Variants in TACC1 observed in about 807,000 individuals in gnomAD.
The protein encoded by TACC1 is transforming acidic coiled-coil containing protein 1, also known as transforming acidic coiled-coil-containing protein 1.
A neutral mutation model predicts 84.4 loss-of-function variants in TACC1; 48 were observed. The ratio of observed to expected loss-of-function variants is 0.57; its 90% CI spans 0.45 to 0.72. The LOEUF is 0.72. Among genes scored for constraint, TACC1 ranks in the 30% least tolerant of loss-of-function variants. The pLI, the probability that TACC1 is intolerant of heterozygous loss-of-function variation, is 0.00. For missense variants in TACC1, 920 were observed against 973.0 expected, an observed-to-expected ratio of 0.95 and a Z score of 0.72; for synonymous variants, 372 against 376.3, an observed-to-expected ratio of 0.99 and a Z score of 0.13.
chr8:38,847,977 CA>C lies in TACC1; in HGVS notation c.2377del (p.Ile793SerfsTer5). On this transcript the variant is annotated frameshift_variant, in exon 13 of 13. Transcript: ENST00000317827. LOFTEE classifies it high-confidence loss of function. ...QQKNQEIEEL[T>X]KICDELIAKL... Reference sequence around the variant, plus strand: ...CAGAACCAAGAAATTGAAGAACTGACAAAAATCTGTGATGAGCTGATTGCAA... The same window carrying C: ...CAGAACCAAGAAATTGAAGAACTGACAAAATCTGTGATGAGCTGATTGCAA... 6.2e-7 allele frequency: 1 copy of C among 1,613,892 alleles called. No homozygotes were observed. The highest frequency in any genetic ancestry group is 8.5e-7 in the Non-Finnish European group (1 of 1,179,882).
At chr8:38,837,314 T>C (rs1261375486) in intron 7 of TACC1, among the ~76,000 whole-genome samples, 1 of 151,384 alleles carries the variant, frequency 6.6e-6, no homozygotes, top group Non-Finnish European at 1.5e-5. Context: ...TCCCAGCTAC[T>C]TGGGAGGCTG....
At chr8:38,832,732 A>C (rs985129700) in intron 6 of TACC1, among the ~76,000 whole-genome samples, 2 of 152,138 alleles carry the variant, frequency 1.3e-5, no homozygotes, top group African/African-American at 4.8e-5. Context: ...TTAAGTTTTA[A>C]ATGTTTTAAA....
intron 3 of TACC1, among the ~76,000 whole-genome samples, chr8:38,754,066 G>A (rs1809562461): frequency 6.6e-6 from 1 of 151,180 alleles, no homozygotes; most frequent in Admixed American, 6.6e-5. Flanking sequence ...CGATTTTCAT[G>A]TCTCAGCTTC....
Position 38,820,241 on chromosome 8 carries a change from G to C in TACC1, c.997G>C (p.Ala333Pro). Residue 333 changes from alanine to proline, a missense_variant, in exon 3 of 13, where the codon GCC becomes CCC. Physicochemically the swap from Ala to Pro is conservative, Grantham distance 27. This residue lies in a region of TACC1 where 762 missense variants were observed against 747.3 expected (regional missense o/e 1.02). Coordinates refer to ENST00000317827, the MANE Select transcript of TACC1 (RefSeq NM_006283.3). Reference sequence around the variant, plus strand: ...CACAGAAGATACAGGAAACATAGAGGCCAGGAAAGCCCTTCCAAGGAAGCT... The same window carrying C: ...CACAGAAGATACAGGAAACATAGAGCCCAGGAAAGCCCTTCCAAGGAAGCT... Reference protein sequence around the residue: ...DFTEDTGNIEARKALPRKLGR... With the variant: ...DFTEDTGNIEPRKALPRKLGR... 3.1e-6 allele frequency: 5 copies of C among 1,614,086 alleles called. No homozygotes were observed. The highest frequency in any genetic ancestry group is 4.2e-6 in the Non-Finnish European group (5 of 1,180,006).
chr8:38,777,504 A>G (rs989560018), intron 3 of TACC1, among the ~76,000 whole-genome samples: 7 of 152,190 alleles, frequency 4.6e-5, no homozygotes, highest in African/African-American at 2.4e-5. Context: ...CCCAGGGGCC[A>G]GGCACAATAG....
At chr8:38,740,837 C>T (rs1334741422) in intron 1 of TACC1, among the ~76,000 whole-genome samples, 1 of 152,216 alleles carries the variant, frequency 6.6e-6, no homozygotes, top group African/African-American at 2.4e-5. Flanking sequence ...GGAAAACTTT[C>T]AGACCTCTTG....
At chr8:38,837,252 T>TAAA (rs56272394) in intron 7 of TACC1, among the ~76,000 whole-genome samples, 3 of 141,014 alleles carry the variant, frequency 2.1e-5, no homozygotes, top group Non-Finnish European at 3.1e-5. Flanking sequence ...CCATCTCTAC[T>TAAA]AAAAAAAAAA....
At chr8:38,780,115 A>G (rs1815634009) in intron 3 of TACC1, among the ~76,000 whole-genome samples, 1 of 152,154 alleles carries the variant, frequency 6.6e-6, no homozygotes, top group South Asian at 2.1e-4. Flanking sequence ...GTCTGATTTC[A>G]TTAATTACTT....
chr8:38,762,683 A>G (rs1358505857), intron 3 of TACC1, among the ~76,000 whole-genome samples: 2 of 151,804 alleles, frequency 1.3e-5, no homozygotes, highest in Non-Finnish European at 2.9e-5. Context: ...CAGCCTCCCT[A>G]GTAGCTGAGA....
intron 3 of TACC1, among the ~76,000 whole-genome samples, chr8:38,762,066 TTAA>T (rs1458188449): frequency 1.3e-5 from 2 of 151,980 alleles, no homozygotes; most frequent in East Asian, 3.9e-4. Flanking sequence ...GAAAAAAGAG[TTAA>T]TAATGGGAAG....
rs1480769004 is a variant in TACC1 at position 38,848,828 on chromosome 8, A to G, written c.*805A>G. 2 of 152,108 alleles carry G rather than the reference A, an allele frequency of 1.3e-5. No homozygotes were observed. The highest frequency in any genetic ancestry group is 2.9e-5 in the Non-Finnish European group (2 of 68,020). 9.4% of individuals were successfully genotyped at this position (152,108 alleles called of 1,614,324 possible). On this transcript the variant is annotated 3_prime_UTR_variant, in exon 13 of 13. Transcript: ENST00000317827. ...TTTAGGGTTAGTCCTCAGACTAATG[A>G]TAGTGTCTGCTTTCTGCATGAACGG...
chr8:38,769,023 G>T (rs1812858183), intron 3 of TACC1, among the ~76,000 whole-genome samples: 1 of 148,804 alleles, frequency 6.7e-6, no homozygotes, highest in Non-Finnish European at 1.5e-5. Flanking sequence ...TGGATATGAG[G>T]CTGTGGGGGT....
Position 38,741,296 on chromosome 8 carries a change from C to T in TACC1, c.-674-1055C>T, listed in dbSNP as rs539225903. ...TCAGCCTCCCAAGTAGCTAGGATTA[C>T]AGGCACCCGCCACCATGCCTGGCTG... On this transcript the variant is annotated intron_variant, in intron 1 of 14. Transcript: ENST00000518415. Among the ~76,000 whole-genome samples, 91 of 152,124 alleles carry T rather than the reference C, an allele frequency of 6.0e-4. 2 individuals carry two copies. The South Asian group carries it at 0.019, about 31-fold the overall frequency.
upstream of TACC1, chr8:38,787,129 GC>G: frequency 2.0e-6 from 2 of 983,592 alleles, no homozygotes; most frequent in Non-Finnish European, 2.4e-6. Flanking sequence ...AAGCCCCGGC[GC>G]CGCCGCCGCC....
chr8:38,733,873 A>G (rs1346743233), intron 1 of TACC1, among the ~76,000 whole-genome samples: 2 of 152,194 alleles, frequency 1.3e-5, no homozygotes, highest in Non-Finnish European at 2.9e-5. Flanking sequence ...ATTTTGCTGG[A>G]AACAAGAGGA....
At chr8:38,844,562 T>C (rs1831856967) in intron 11 of TACC1, among the ~76,000 whole-genome samples, 1 of 152,240 alleles carries the variant, frequency 6.6e-6, no homozygotes, top group African/African-American at 2.4e-5. Flanking sequence ...TTTATTAATA[T>C]ATTTGCTTTA....
rs1052170613 is a variant in TACC1, at chr8:38,780,195, A to G, written c.27-8509A>G. On this transcript the variant is annotated intron_variant, in intron 3 of 14. Coordinates refer to the TACC1 transcript ENST00000518415. The stretch of plus-strand genomic sequence containing the variant: ...GTTGCTTGTAGACTGTTTTCTCCCA[A>G]TGGTTCGATTTTTATTATTTAGTCA... 3.9e-5 allele frequency among the ~76,000 whole-genome samples: 6 copies of G among 152,184 alleles called. No homozygotes were observed. The East Asian group carries it at 5.8e-4, about 15-fold the overall frequency.
chr8:38,742,050 G>A (rs969022662), intron 1 of TACC1, among the ~76,000 whole-genome samples: 1 of 152,194 alleles, frequency 6.6e-6, no homozygotes, highest in Non-Finnish European at 1.5e-5. Flanking sequence ...TGTACACTTG[G>A]CAGCTGTTTC....
At chr8:38,825,836 G>A (rs534489126) in intron 4 of TACC1, among the ~76,000 whole-genome samples, 29 of 152,172 alleles carry the variant, frequency 1.9e-4, no homozygotes, top group African/African-American at 6.3e-4. Context: ...ACTTGGAAAG[G>A]GGTTCAAAGA....
Sources: allele counts gnomAD v4.1 joint callset (sites outside exome capture counted in the v4.1 genomes callset), GRCh38; gene constraint gnomAD v4.1.1; regional missense constraint gnomAD v4.1.1; transcripts MANE v1.5; gene names NCBI Gene and HGNC (gene_info 2026-07-23, HGNC 2026-07-21).